Variants in SOX6 observed in about 807,000 individuals in gnomAD.
The protein encoded by SOX6 is transcription factor SOX-6.
A neutral mutation model predicts 97.8 loss-of-function variants in SOX6; 11 were observed. The observed-to-expected ratio is 0.11, with a 90% confidence interval of 0.07 to 0.19. The LOEUF is 0.19. SOX6 is among the 10% of genes least tolerant of loss of function. SOX6 has a pLI of 1.00. For missense variants in SOX6, 810 were observed against 1,039.5 expected (o/e 0.78, Z 3.04); for synonymous variants, 360 against 371.4 (o/e 0.97, Z 0.35).
intron 3 of SOX6, among the ~76,000 whole-genome samples, chr11:16,276,505 G>A (rs1854403470): frequency 6.6e-6 from 1 of 152,094 alleles, no homozygotes. Flanking sequence ...TGGGTCTTCT[G>A]GAAAAGAATT....
At chr11:15,978,789 A>T (rs1853571545) in intron 15 of SOX6, among the ~76,000 whole-genome samples, 1 of 138,408 alleles carries the variant, frequency 7.2e-6, no homozygotes. Context: ...GGCTCACTGG[A>T]GATATAAATA....
intron 4 of SOX6, among the ~76,000 whole-genome samples, chr11:16,488,781 C>G (rs945887545): frequency 3.3e-5 from 5 of 152,162 alleles, no homozygotes; most frequent in Admixed American, 2.6e-4. Flanking sequence ...TATCATTTTA[C>G]TGTATCTTCT....
At chr11:16,405,459 C>T (rs960231378) in intron 1 of SOX6, among the ~76,000 whole-genome samples, 3 of 151,990 alleles carry the variant, frequency 2.0e-5, no homozygotes, top group African/African-American at 7.2e-5. Flanking sequence ...CCGAATACAG[C>T]TTCAGATGAA....
intron 4 of SOX6, among the ~76,000 whole-genome samples, chr11:16,574,092 T>C (rs1264228760): frequency 1.3e-5 from 2 of 152,272 alleles, no homozygotes; most frequent in South Asian, 4.1e-4. Flanking sequence ...GCAAACTAAA[T>C]TGAAAATCCC....
chr11:16,354,017 T>C (rs1304892616), intron 1 of SOX6, among the ~76,000 whole-genome samples: 1 of 151,994 alleles, frequency 6.6e-6, no homozygotes, highest in Non-Finnish European at 1.5e-5. Context: ...TGCCTAGAAC[T>C]GGAAAACTGC....
intron 1 of SOX6, among the ~76,000 whole-genome samples, chr11:16,392,504 T>G (rs776858106): frequency 1.8e-4 from 27 of 152,306 alleles, no homozygotes; most frequent in Non-Finnish European, 1.5e-5. Context: ...ATCTTTTTAA[T>G]GTGCCAGAAG....
Position 16,303,150 on chromosome 11 carries a change from T to C in SOX6, c.445+15296A>G, listed in dbSNP as rs555929958. Among the ~76,000 whole-genome samples the C allele has an allele frequency of 3.3e-5, 5 of 152,320 alleles. No homozygotes were observed. In the South Asian group the frequency reaches 8.3e-4, roughly 25 times the overall value. ...ACATATGTTGTTATGTGTGTATATA[T>C]GTATGTTTTGTTTAGATGAAGAGGC... On this transcript the variant is annotated intron_variant, in intron 3 of 15. Coordinates refer to ENST00000683767, the MANE Select transcript of SOX6 (RefSeq NM_001367873.1).
At chr11:16,083,279 A>G (rs1470393703) in intron 9 of SOX6, among the ~76,000 whole-genome samples, 2 of 152,212 alleles carry the variant, frequency 1.3e-5, no homozygotes, top group East Asian at 1.9e-4. Context: ...AAAAGAGTGC[A>G]TACTACAGAG....
chr11:16,519,257 G>C (rs552289322), intron 4 of SOX6, among the ~76,000 whole-genome samples: 1 of 152,116 alleles, frequency 6.6e-6, no homozygotes, highest in East Asian at 1.9e-4. Flanking sequence ...TGAGTATATT[G>C]CATAATGGTG....
intron 4 of SOX6, among the ~76,000 whole-genome samples, chr11:16,499,734 C>T (rs1385578579): frequency 2.6e-5 from 4 of 152,186 alleles, no homozygotes; most frequent in South Asian, 2.1e-4. Context: ...TTCCTCGACA[C>T]ATACACCCTC....
intron 4 of SOX6, among the ~76,000 whole-genome samples, chr11:16,216,290 T>C (rs1852369824): frequency 1.3e-5 from 2 of 152,164 alleles, no homozygotes; most frequent in African/African-American, 2.4e-5. Flanking sequence ...TGAAATTACA[T>C]AAACCCCACA....
At chr11:16,504,220 A>T (rs186835875) in intron 4 of SOX6, among the ~76,000 whole-genome samples, 1 of 152,282 alleles carries the variant, frequency 6.6e-6, no homozygotes, top group East Asian at 1.9e-4. Flanking sequence ...CTCCTATTCA[A>T]CATAATACTG....
intron 1 of SOX6, among the ~76,000 whole-genome samples, chr11:16,433,765 G>A (rs1369330876): frequency 6.6e-6 from 1 of 152,106 alleles, no homozygotes; most frequent in Non-Finnish European, 1.5e-5. Flanking sequence ...AGCAATATGA[G>A]CAGGATGAGG....
chr11:16,516,991 G>T (rs1339764088), intron 4 of SOX6, among the ~76,000 whole-genome samples: 1 of 136,418 alleles, frequency 7.3e-6, no homozygotes, highest in Non-Finnish European at 1.6e-5. Context: ...TGATCAAGTG[G>T]GCTTCATCCC....
chr11:16,269,132 C>T (rs570540000), intron 3 of SOX6, among the ~76,000 whole-genome samples: 1 of 150,356 alleles, frequency 6.7e-6, no homozygotes, highest in South Asian at 2.1e-4. Flanking sequence ...TAAATGGCTA[C>T]CGCATTTGAA....
chr11:16,662,796 T>C (rs190033298), intron 3 of SOX6, among the ~76,000 whole-genome samples: 99 of 152,270 alleles, frequency 6.5e-4, no homozygotes, highest in African/African-American at 2.3e-3. Context: ...TGGGTTCAAG[T>C]GATCCTCTCA....
intron 1 of SOX6, among the ~76,000 whole-genome samples, chr11:16,448,826 G>A (rs768308078): frequency 1.3e-5 from 2 of 152,040 alleles, no homozygotes; most frequent in African/African-American, 4.8e-5. Context: ...GAACCCAGGG[G>A]TTCAAGGCCA....
chr11:16,315,478 T>A (rs1270067981), intron 3 of SOX6: 1 of 152,206 alleles, frequency 6.6e-6, no homozygotes, highest in Admixed American at 6.5e-5. Flanking sequence ...GAATATTTTA[T>A]AAGAATGTTC....
intron 1 of SOX6, among the ~76,000 whole-genome samples, chr11:16,409,874 C>T (rs1444667219): frequency 4.6e-5 from 7 of 151,158 alleles, no homozygotes; most frequent in African/African-American, 1.7e-4. Flanking sequence ...TAACTCAAGG[C>T]CAAGAGGAAG....
Sources: allele counts gnomAD v4.1 joint callset (sites outside exome capture counted in the v4.1 genomes callset), GRCh38; gene constraint gnomAD v4.1.1; transcripts MANE v1.5; gene names NCBI Gene and HGNC (gene_info 2026-07-23, HGNC 2026-07-21).